CDYL: variants seen among roughly 807,000 people sequenced by gnomAD.
CDYL encodes chromodomain Y-like protein.
CDYL carries 8 observed loss-of-function variants against 47.3 expected under a neutral mutation model. The ratio of observed to expected loss-of-function variants is 0.17; its 90% CI spans 0.10 to 0.31. The LOEUF (loss-of-function observed/expected upper bound fraction) is 0.31. Ranked by LOEUF, CDYL falls within the 10% of genes least tolerant of loss-of-function variation. The probability of loss-of-function intolerance (pLI) is 1.00; values close to 1 mark genes in which losing one functional copy is unlikely to be tolerated. For missense variants in CDYL, 471 were observed against 701.4 expected (o/e 0.67, Z 3.71); for synonymous variants, 266 against 265.0 (o/e 1.00, Z -0.04).
intron 2 of CDYL, among the ~76,000 whole-genome samples, chr6:4,895,743 A>G (rs9405783): frequency 6.6e-6 from 1 of 151,888 alleles, no homozygotes; most frequent in African/African-American, 2.4e-5. Flanking sequence ...CGCCAGATCC[A>G]CATTGCGCTT....
At position 4,892,264 on chromosome 6, in the gene CDYL, C is replaced by A; in HGVS notation, c.576C>A (p.Gly192=). Residue 192 remains glycine (G), a synonymous_variant, in exon 2 of 7, where the codon GGC becomes GGA. Coordinates refer to ENST00000397588, the MANE Select transcript of CDYL (RefSeq NM_004824.4). ...AAEKPVGALL[G]PGAERARMGS... ...AAAAGCCGGTCGGAGCTTTATTGGGCCCCGGTGCCGAGAGGGCCAGGATGG... is the reference window on the plus strand; with the variant it reads ...AAAAGCCGGTCGGAGCTTTATTGGGACCCGGTGCCGAGAGGGCCAGGATGG... 1 of 1,614,158 alleles carries A rather than the reference C, an allele frequency of 6.2e-7. No individual in the cohort carries two copies. The highest frequency in any genetic ancestry group is 8.5e-7 in the Non-Finnish European group (1 of 1,180,030).
chr6:4,725,230 A>G (rs1373986342), intron 2 of CDYL, among the ~76,000 whole-genome samples: 1 of 152,236 alleles, frequency 6.6e-6, no homozygotes, highest in African/African-American at 2.4e-5. Flanking sequence ...AAGGTTCTCC[A>G]AGTCCCCACC....
intron 1 of CDYL, among the ~76,000 whole-genome samples, chr6:4,793,075 C>G (rs1448425296): frequency 6.6e-6 from 1 of 152,208 alleles, no homozygotes; most frequent in African/African-American, 2.4e-5. Context: ...GTCTTGGAAA[C>G]TCGTCCTTCC....
intron 1 of CDYL, among the ~76,000 whole-genome samples, chr6:4,846,383 C>T (rs1415436075): frequency 2.0e-5 from 3 of 152,076 alleles, no homozygotes; most frequent in African/African-American, 7.2e-5. Flanking sequence ...GTTCATTGCT[C>T]CTAGAATGGC....
chr6:4,746,613 C>T (rs1757903653), intron 3 of CDYL, among the ~76,000 whole-genome samples: 1 of 152,140 alleles, frequency 6.6e-6, no homozygotes, highest in Non-Finnish European at 1.5e-5. Context: ...GGCCCAATGT[C>T]CAGGTACCCA....
chr6:4,822,617 T>C (rs1759873048), intron 1 of CDYL, among the ~76,000 whole-genome samples: 1 of 152,202 alleles, frequency 6.6e-6, no homozygotes, highest in Admixed American at 6.5e-5. Flanking sequence ...TTCTCTGGAA[T>C]CTATCTGAAT....
At chr6:4,865,594 A>G (rs1404863123) in intron 1 of CDYL, among the ~76,000 whole-genome samples, 1 of 152,254 alleles carries the variant, frequency 6.6e-6, no homozygotes, top group Non-Finnish European at 1.5e-5. Context: ...GGTCAAAATA[A>G]ATACAGGTAA....
chr6:4,752,562 CT>C (rs1561836696), intron 3 of CDYL, among the ~76,000 whole-genome samples: 1 of 152,108 alleles, frequency 6.6e-6, no homozygotes, highest in Non-Finnish European at 1.5e-5. Flanking sequence ...AACGATTACC[CT>C]GCCTCCTAGG....
intron 1 of CDYL, among the ~76,000 whole-genome samples, chr6:4,832,244 A>T (rs1211523006): frequency 3.3e-5 from 5 of 152,012 alleles, no homozygotes; most frequent in Non-Finnish European, 7.4e-5. Flanking sequence ...TTTTGAGATA[A>T]GTCCCATCAA....
chr6:4,923,871 A>G (rs1757790535), intron 2 of CDYL, among the ~76,000 whole-genome samples: 2 of 143,794 alleles, frequency 1.4e-5, no homozygotes, highest in African/African-American at 2.6e-5. Context: ...ACTGCACTCC[A>G]GCCTGGGTGA....
At chr6:4,900,779 G>GTGTGTGTGTGTATATATATA in intron 2 of CDYL, among the ~76,000 whole-genome samples, 1 of 51,718 alleles carries the variant, frequency 1.9e-5, no homozygotes, top group African/African-American at 6.3e-5. Context: ...GTATACGTGT[G>GTGTGTGTGTGTATATATATA]TATATATATA....
intron 2 of CDYL, chr6:4,928,665 CAG>C (rs1757948998): frequency 6.6e-6 from 1 of 152,048 alleles, no homozygotes; most frequent in African/African-American, 2.4e-5. Flanking sequence ...TCTCTGTGGT[CAG>C]AGGCTATTTG....
At chr6:4,790,371 G>C (rs1211203535) in intron 1 of CDYL, among the ~76,000 whole-genome samples, 1 of 152,150 alleles carries the variant, frequency 6.6e-6, no homozygotes, top group Admixed American at 6.5e-5. Context: ...TTACTGCTGT[G>C]GTTTTGGGTT....
chr6:4,901,214 T>C (rs768771329), intron 2 of CDYL, among the ~76,000 whole-genome samples: 14 of 152,268 alleles, frequency 9.2e-5, no homozygotes, highest in Non-Finnish European at 2.1e-4. Context: ...TAGTTCTTGC[T>C]CCTTTTGAAC....
At chr6:4,766,012 T>A (rs1301753784) in intron 3 of CDYL, among the ~76,000 whole-genome samples, 1 of 152,142 alleles carries the variant, frequency 6.6e-6, no homozygotes, top group Non-Finnish European at 1.5e-5. Flanking sequence ...AATAAATTAA[T>A]ATACCCATGG....
chr6:4,784,432 T>G (rs556051365), intron 1 of CDYL, among the ~76,000 whole-genome samples: 1 of 152,332 alleles, frequency 6.6e-6, no homozygotes, highest in Admixed American at 6.5e-5. Context: ...AGAAACCTTC[T>G]TGATTTGGAA....
intron 2 of CDYL, among the ~76,000 whole-genome samples, chr6:4,911,381 T>C (rs1287275530): frequency 6.6e-6 from 1 of 152,252 alleles, no homozygotes; most frequent in South Asian, 2.1e-4. Context: ...CACACATACA[T>C]GCGCACAGTA....
At chr6:4,826,627 T>C (rs761985212) in intron 1 of CDYL, among the ~76,000 whole-genome samples, 6 of 152,166 alleles carry the variant, frequency 3.9e-5, no homozygotes, top group African/African-American at 1.2e-4. Context: ...TGAAGGAGGG[T>C]GTTGTTTTAA....
chr6:4,745,397 C>T (rs769500143), intron 3 of CDYL, among the ~76,000 whole-genome samples: 1 of 151,534 alleles, frequency 6.6e-6, no homozygotes, highest in Non-Finnish European at 1.5e-5. Context: ...CCTTTTATTC[C>T]TCTCTCAGAA....
Sources: gnomAD v4.1 joint callset for allele counts (sites outside exome capture counted in the v4.1 genomes callset) on GRCh38, gnomAD v4.1.1 for gene constraint, MANE v1.5 for transcripts, NCBI Gene and HGNC (gene_info 2026-07-23, HGNC 2026-07-21) for gene names.